NRXN3: variants seen among roughly 807,000 people sequenced by gnomAD.
NRXN3 encodes neurexin III.
In NRXN3, 32 loss-of-function variants were observed where a neutral mutation model predicts 137.6. The ratio of observed to expected loss-of-function variants is 0.23; its 90% CI spans 0.18 to 0.31. The LOEUF is 0.31. NRXN3 is among the 10% of genes least tolerant of loss of function. The probability of loss-of-function intolerance (pLI) is 1.00; values close to 1 mark genes in which losing one functional copy is unlikely to be tolerated. For synonymous variants in NRXN3, 798 were observed against 784.5 expected (o/e 1.02, Z -0.29); for missense variants, 1,574 against 2,062.5 (o/e 0.76, Z 4.59).
At chr14:78,309,923 T>A (rs2153541666) in intron 4 of NRXN3, among the ~76,000 whole-genome samples, 1 of 152,270 alleles carries the variant, frequency 6.6e-6, no homozygotes, top group Admixed American at 6.5e-5. Context: ...ATAGTTTTTT[T>A]GGAAGGGTTC....
chr14:78,192,237 G>A, intron 1 of NRXN3, among the ~76,000 whole-genome samples: 1 of 152,072 alleles, frequency 6.6e-6, no homozygotes. Flanking sequence ...ACTGATACGG[G>A]CACTCAGATC....
At chr14:79,427,350 G>A (rs897235272) in intron 15 of NRXN3, among the ~76,000 whole-genome samples, 2 of 152,076 alleles carry the variant, frequency 1.3e-5, no homozygotes, top group African/African-American at 4.8e-5. Context: ...TCCTCGCAAG[G>A]TTTGTCTTTT....
chr14:79,691,778 A>C (rs1240869843), intron 17 of NRXN3, among the ~76,000 whole-genome samples: 1 of 152,016 alleles, frequency 6.6e-6, no homozygotes, highest in Non-Finnish European at 1.5e-5. Flanking sequence ...GTGACTGTGG[A>C]GCGAGGGTCC....
intron 1 of NRXN3, among the ~76,000 whole-genome samples, chr14:78,200,637 T>C (rs1453897310): frequency 6.6e-6 from 1 of 152,236 alleles, no homozygotes; most frequent in Non-Finnish European, 1.5e-5. Flanking sequence ...CTTGCAGCTC[T>C]CAGGATGAGA....
At chr14:78,941,851 G>A (rs61994019) in intron 10 of NRXN3, among the ~76,000 whole-genome samples, 28 of 152,188 alleles carry the variant, frequency 1.8e-4, no homozygotes, top group Non-Finnish European at 3.7e-4. Flanking sequence ...CCATCTTTGG[G>A]ATTGTCGAGT....
At chr14:78,200,725 T>G (rs1466032953) in intron 1 of NRXN3, among the ~76,000 whole-genome samples, 1 of 152,204 alleles carries the variant, frequency 6.6e-6, no homozygotes, top group Non-Finnish European at 1.5e-5. Flanking sequence ...CTTTATGGAT[T>G]AAATCAGATT....
At chr14:79,092,945 GA>G (rs2049489097) in intron 15 of NRXN3, among the ~76,000 whole-genome samples, 1 of 152,178 alleles carries the variant, frequency 6.6e-6, no homozygotes, top group African/African-American at 2.4e-5. Context: ...GGGCTTTGCA[GA>G]TCCTAGAGTT....
intron 2 of NRXN3, among the ~76,000 whole-genome samples, chr14:78,248,669 TAAC>T (rs1406428912): frequency 6.6e-6 from 1 of 152,100 alleles, no homozygotes; most frequent in East Asian, 1.9e-4. Context: ...GCTTGAATTA[TAAC>T]ATGGCATTGT....
chr14:79,433,637 T>C (rs1475921578), intron 15 of NRXN3, among the ~76,000 whole-genome samples: 1 of 152,180 alleles, frequency 6.6e-6, no homozygotes, highest in Non-Finnish European at 1.5e-5. Context: ...CGATATCTAA[T>C]AGATGTTAAA....
At chr14:79,808,752 A>C (rs1405435832) in intron 20 of NRXN3, among the ~76,000 whole-genome samples, 6 of 152,160 alleles carry the variant, frequency 3.9e-5, no homozygotes. Context: ...TGTGTGCTAT[A>C]ATTCAATTTT....
intron 20 of NRXN3, among the ~76,000 whole-genome samples, chr14:79,829,262 A>T (rs1485856049): frequency 6.6e-6 from 1 of 152,238 alleles, no homozygotes; most frequent in African/African-American, 2.4e-5. Flanking sequence ...TTTCTCCAGA[A>T]AGGAAATTTC....
At chr14:79,473,820 G>A (rs1283382214) in intron 16 of NRXN3, among the ~76,000 whole-genome samples, 1 of 95,002 alleles carries the variant, frequency 1.1e-5, no homozygotes, top group Non-Finnish European at 2.4e-5. Flanking sequence ...CCACTTATAC[G>A]GAGAGGACCT....
intron 16 of NRXN3, among the ~76,000 whole-genome samples, chr14:79,663,564 C>T (rs2098544652): frequency 6.6e-6 from 1 of 151,996 alleles, no homozygotes; most frequent in Admixed American, 6.6e-5. Context: ...TGCGGTGCAG[C>T]CTGTGAGAGC....
intron 8 of NRXN3, among the ~76,000 whole-genome samples, chr14:78,775,716 A>C (rs1301125610): frequency 6.6e-6 from 1 of 152,168 alleles, no homozygotes; most frequent in African/African-American, 2.4e-5. Context: ...ATTTGAAGAC[A>C]TGTTCCTTTC....
chr14:78,253,705 T>G (rs1267937165), intron 2 of NRXN3, among the ~76,000 whole-genome samples: 2 of 152,052 alleles, frequency 1.3e-5, no homozygotes, highest in Non-Finnish European at 2.9e-5. Flanking sequence ...AATCATGGGA[T>G]AATAAGTTTA....
chr14:78,699,054 T>C (rs1237992348), intron 6 of NRXN3, among the ~76,000 whole-genome samples: 2 of 152,016 alleles, frequency 1.3e-5, no homozygotes, highest in East Asian at 1.9e-4. Flanking sequence ...CATTGAGAGA[T>C]ACAGAGAGAA....
chr14:78,743,247 T>C (rs1383459916), intron 8 of NRXN3, among the ~76,000 whole-genome samples: 1 of 152,256 alleles, frequency 6.6e-6, no homozygotes. Flanking sequence ...TTGTTCATAG[T>C]AGTTATTGCT....
chr14:78,441,691 C>T (rs2094255315), intron 4 of NRXN3, among the ~76,000 whole-genome samples: 1 of 151,948 alleles, frequency 6.6e-6, no homozygotes, highest in South Asian at 2.1e-4. Context: ...TCAATGTTAC[C>T]TTATTGGAAA....
chr14:78,948,316 TC>T (rs2099372848), intron 10 of NRXN3, among the ~76,000 whole-genome samples: 1 of 152,234 alleles, frequency 6.6e-6, no homozygotes, highest in African/African-American at 2.4e-5. Flanking sequence ...ATTCATTGGC[TC>T]CCTTCCCCTC....
Sources: allele counts gnomAD v4.1 joint callset (sites outside exome capture counted in the v4.1 genomes callset), GRCh38; gene constraint gnomAD v4.1.1; transcripts MANE v1.5; gene names NCBI Gene and HGNC (gene_info 2026-07-23, HGNC 2026-07-21).